Variants in SGCD observed in about 807,000 individuals in gnomAD.
SGCD encodes sarcoglycan delta.
A neutral mutation model predicts 36.6 loss-of-function variants in SGCD; 18 were observed. The ratio of observed to expected loss-of-function variants is 0.49; its 90% CI spans 0.34 to 0.73. The LOEUF (loss-of-function observed/expected upper bound fraction) is 0.73. Among genes scored for constraint, SGCD ranks in the 30% least tolerant of loss-of-function variants. The pLI is 0.01. For synonymous variants in SGCD, 133 were observed against 130.6 expected (o/e 1.02, Z -0.12); for missense variants, 387 against 346.7 (o/e 1.12, Z -0.92).
intron 1 of SGCD, among the ~76,000 whole-genome samples, chr5:155,932,406 G>T (rs1757116014): frequency 6.6e-6 from 1 of 152,116 alleles, no homozygotes; most frequent in Admixed American, 6.6e-5. Context: ...TCAAACAGTT[G>T]TCATCCAAAG....
chr5:156,528,029 T>A (rs1027626438), intron 4 of SGCD, among the ~76,000 whole-genome samples: 2 of 152,234 alleles, frequency 1.3e-5, no homozygotes, highest in African/African-American at 4.8e-5. Flanking sequence ...ATGTATCATA[T>A]AATTATATAT....
At chr5:155,809,940 T>A in the SGCD span, among the ~76,000 whole-genome samples, 1 of 152,190 alleles carries the variant, frequency 6.6e-6, no homozygotes, top group African/African-American at 2.4e-5. Context: ...TTGTCTCTTG[T>A]CCTAAATGAA....
rs528275027 is a variant in SGCD, at chr5:156,151,296, C to A, written c.-44+27277C>A. On this transcript the variant is annotated intron_variant, in intron 3 of 9. Transcript: ENST00000517913. ...GTCACTACTAAAAGCAATAGTCAGG[C>A]CTTTCTTTTTGGATGTGTGGCACAA... Among the ~76,000 whole-genome samples, 91 of 151,716 alleles carry A rather than the reference C, an allele frequency of 6.0e-4. 1 individual carries two copies. The highest frequency in any genetic ancestry group is 1.1e-3 in the Non-Finnish European group (74 of 68,020).
At chr5:155,847,437 T>C in the SGCD span, among the ~76,000 whole-genome samples, 1 of 152,338 alleles carries the variant, frequency 6.6e-6, no homozygotes, top group East Asian at 1.9e-4. Context: ...TTTTGCTCAC[T>C]GCAGCAGATT....
chr5:156,308,925 A>G (rs1055916883), intron 3 of SGCD, among the ~76,000 whole-genome samples: 1 of 152,178 alleles, frequency 6.6e-6, no homozygotes, highest in African/African-American at 2.4e-5. Flanking sequence ...GATTTGTAAA[A>G]TATTACATAC....
At chr5:156,006,734 G>A (rs1242168126) in intron 1 of SGCD, among the ~76,000 whole-genome samples, 1 of 152,116 alleles carries the variant, frequency 6.6e-6, no homozygotes, top group Non-Finnish European at 1.5e-5. Context: ...TTTATTCTAA[G>A]CTCTAAAATG....
chr5:156,355,585 T>G (rs944684463), intron 3 of SGCD, among the ~76,000 whole-genome samples: 1 of 152,220 alleles, frequency 6.6e-6, no homozygotes, highest in African/African-American at 2.4e-5. Context: ...TTCTCCCAAC[T>G]TGTAAAATAT....
At chr5:156,265,920 T>G (rs1765989154) in intron 3 of SGCD, among the ~76,000 whole-genome samples, 1 of 152,080 alleles carries the variant, frequency 6.6e-6, no homozygotes, top group Non-Finnish European at 1.5e-5. Context: ...CTCAGAGAGA[T>G]CTCTAATAAA....
intron 3 of SGCD, among the ~76,000 whole-genome samples, chr5:156,311,315 T>A (rs1767383062): frequency 6.6e-6 from 1 of 152,080 alleles, no homozygotes; most frequent in Non-Finnish European, 1.5e-5. Flanking sequence ...AATGTCACCA[T>A]GAGATAGTGT....
the SGCD span, among the ~76,000 whole-genome samples, chr5:155,786,822 A>T: frequency 3.9e-5 from 6 of 152,198 alleles, no homozygotes; most frequent in Non-Finnish European, 8.8e-5. Context: ...TGGCTGAATG[A>T]GAATTAGGGA....
chr5:156,199,308 C>T (rs990663666), intron 3 of SGCD, among the ~76,000 whole-genome samples: 1 of 152,150 alleles, frequency 6.6e-6, no homozygotes. Flanking sequence ...GACTTATTTG[C>T]TTTGGCTATT....
chr5:155,791,702 G>A, the SGCD span, among the ~76,000 whole-genome samples: 2 of 151,988 alleles, frequency 1.3e-5, no homozygotes, highest in African/African-American at 4.8e-5. Context: ...ATCTAACCAA[G>A]GAGATAAGAG....
chr5:156,025,931 G>C (rs540444820), intron 1 of SGCD, among the ~76,000 whole-genome samples: 6 of 152,232 alleles, frequency 3.9e-5, no homozygotes, highest in Non-Finnish European at 7.4e-5. Context: ...GGAGATGAAA[G>C]TATTATCACT....
At chr5:156,543,213 T>A (rs1001929625) in intron 4 of SGCD, among the ~76,000 whole-genome samples, 1 of 152,164 alleles carries the variant, frequency 6.6e-6, no homozygotes, top group Admixed American at 6.6e-5. Context: ...GGATCAGTGG[T>A]TTCTACTCAG....
chr5:156,343,962 T>C (rs556809712), intron 2 of SGCD, among the ~76,000 whole-genome samples: 50 of 152,306 alleles, frequency 3.3e-4, no homozygotes, highest in Admixed American at 2.7e-3. Flanking sequence ...AGGACCCCCC[T>C]TTTAAATCTG....
intron 3 of SGCD, among the ~76,000 whole-genome samples, chr5:156,194,468 GA>G (rs1186926753): frequency 6.6e-6 from 1 of 152,102 alleles, no homozygotes; most frequent in Non-Finnish European, 1.5e-5. Flanking sequence ...TTATTGTTGA[GA>G]AATTACCAGG....
At chr5:156,210,335 G>T (rs1764406106) in intron 3 of SGCD, among the ~76,000 whole-genome samples, 1 of 152,170 alleles carries the variant, frequency 6.6e-6, no homozygotes, top group South Asian at 2.1e-4. Flanking sequence ...GCCGGTGTGT[G>T]AAGACTAGAA....
chr5:156,149,584 C>T (rs1402404796), intron 3 of SGCD, among the ~76,000 whole-genome samples: 1 of 152,144 alleles, frequency 6.6e-6, no homozygotes, highest in East Asian at 1.9e-4. Flanking sequence ...AGAACAGACT[C>T]TTTTACACTT....
At chr5:155,769,258 T>C in the SGCD span, among the ~76,000 whole-genome samples, 1 of 151,980 alleles carries the variant, frequency 6.6e-6, no homozygotes, top group Non-Finnish European at 1.5e-5. Flanking sequence ...TTCCAAACTG[T>C]GAGGAGGCTA....
Sources: gnomAD v4.1 joint callset for allele counts (sites outside exome capture counted in the v4.1 genomes callset) on GRCh38, gnomAD v4.1.1 for gene constraint, MANE v1.5 for transcripts, NCBI Gene and HGNC (gene_info 2026-07-23, HGNC 2026-07-21) for gene names.